The following FAM120A variants were observed in gnomAD, a reference collection of about 807,000 sequenced individuals.
The protein encoded by FAM120A is constitutive coactivator of PPAR-gamma-like protein 1.
A neutral mutation model predicts 109.7 loss-of-function variants in FAM120A; 15 were observed. The ratio of observed to expected loss-of-function variants is 0.14; its 90% CI spans 0.09 to 0.21. The LOEUF is 0.21. Among genes scored for constraint, FAM120A ranks in the 10% least tolerant of loss-of-function variants. FAM120A has a pLI of 1.00. For synonymous variants in FAM120A, 493 were observed against 572.8 expected, an observed-to-expected ratio of 0.86 and a Z score of 1.99; for missense variants, 899 against 1,439.3, an observed-to-expected ratio of 0.62 and a Z score of 6.07.
At chr9:93,475,232 AAAC>A (rs1858498053) in intron 2 of FAM120A, among the ~76,000 whole-genome samples, 1 of 152,220 alleles carries the variant, frequency 6.6e-6, no homozygotes, top group Non-Finnish European at 1.5e-5. Flanking sequence ...TTTGTGCAGG[AAAC>A]AACATTTTGA....
At chr9:93,463,930 T>C (rs1035420232) in intron 1 of FAM120A, among the ~76,000 whole-genome samples, 3 of 152,258 alleles carry the variant, frequency 2.0e-5, no homozygotes, top group African/African-American at 7.2e-5. Flanking sequence ...AAGCGCTTAT[T>C]ATTTGTGAAT....
chr9:93,495,462 C>T (rs756756040), intron 3 of FAM120A, among the ~76,000 whole-genome samples: 4 of 152,178 alleles, frequency 2.6e-5, no homozygotes, highest in Admixed American at 1.3e-4. Context: ...GTTCTGCAGC[C>T]ACCTTGTGAC....
rs1367822403 is a variant in FAM120A, at chr9:93,565,282, A to G, written c.*742A>G. 1.3e-5 allele frequency: 2 copies of G among 152,682 alleles called. No homozygotes were observed. The highest frequency in any genetic ancestry group is 4.8e-5 in the African/African-American group (2 of 41,464). 9.5% of individuals were successfully genotyped at this position (152,682 alleles called of 1,614,324 possible). A position where few individuals can be genotyped will look rare whatever the true frequency, so the allele number is the denominator to read the frequency against. ...GACTAATACCATGCATCTGTGATCA[A>G]TGAACTATGTGGTTTTGAATCGGAT... On this transcript the variant is annotated 3_prime_UTR_variant, in exon 18 of 18. Coordinates refer to ENST00000277165, the MANE Select transcript of FAM120A (RefSeq NM_014612.5).
chr9:93,459,911 A>G (rs1000701360), intron 1 of FAM120A, among the ~76,000 whole-genome samples: 4 of 152,244 alleles, frequency 2.6e-5, no homozygotes, highest in Non-Finnish European at 5.9e-5. Context: ...TCAAAGAATT[A>G]TAAGCTTTAT....
intron 5 of FAM120A, among the ~76,000 whole-genome samples, chr9:93,502,596 A>ACACACACACG (rs754287212): frequency 2.0e-5 from 3 of 150,812 alleles, no homozygotes; most frequent in East Asian, 1.9e-4. Flanking sequence ...ACACACACAC[A>ACACACACACG]CACGCACACT....
intron 11 of FAM120A, among the ~76,000 whole-genome samples, chr9:93,545,270 G>C (rs1861839931): frequency 6.6e-6 from 1 of 152,218 alleles, no homozygotes; most frequent in Non-Finnish European, 1.5e-5. Flanking sequence ...TCCCAGTGCA[G>C]CATGAGGGAT....
chr9:93,521,280 C>T (rs1387595960), intron 7 of FAM120A, among the ~76,000 whole-genome samples: 1 of 152,096 alleles, frequency 6.6e-6, no homozygotes, highest in East Asian at 1.9e-4. Flanking sequence ...GGGTGGTGAT[C>T]AGAACTGGCA....
intron 5 of FAM120A, among the ~76,000 whole-genome samples, chr9:93,508,304 C>T (rs1162769710): frequency 5.9e-5 from 9 of 152,206 alleles, no homozygotes; most frequent in Admixed American, 3.3e-4. Flanking sequence ...TGGTCCTGGT[C>T]ACAGCAACAC....
intron 16 of FAM120A, 39 bp downstream of exon 16, chr9:93,561,289 A>G (rs1862456636): frequency 1.9e-6 from 3 of 1,557,614 alleles, no homozygotes; most frequent in Non-Finnish European, 2.6e-6. Context: ...TGTATAAGTA[A>G]AGAAAACAGC....
rs1469095194 is a variant in FAM120A at position 93,557,891 on chromosome 9, G to A, written c.2549G>A (p.Arg850Lys). ...QSVLEGLSFS[R>K]QSHTLPFPPP... ...GTCCTCGAGGGGCTCAGCTTCTCCA[G>A]GCAGAGCCACACGCTCCCTTTCCCG... The change falls in exon 14 of 18, where the codon AGG (arginine) becomes AAG (lysine). Residue 850 changes from arginine (R) to lysine (K), a missense_variant. Arg to Lys is a conservative substitution (Grantham distance 26). This residue lies in a region of FAM120A where 129 missense variants were observed against 153.4 expected (regional missense o/e 0.84). Coordinates refer to ENST00000277165, the MANE Select transcript of FAM120A (RefSeq NM_014612.5). The A allele has an allele frequency of 6.2e-7, 1 of 1,613,232 alleles. No homozygotes were observed. Among genetic ancestry groups the A allele is most frequent in the Admixed American group, 1.7e-5 (1 of 60,024 alleles).
chr9:93,496,106 A>G (rs1859564590), intron 3 of FAM120A, among the ~76,000 whole-genome samples: 1 of 152,168 alleles, frequency 6.6e-6, no homozygotes, highest in African/African-American at 2.4e-5. Flanking sequence ...TTCAGGCTCC[A>G]CTTCTAATTC....
intron 10 of FAM120A, among the ~76,000 whole-genome samples, chr9:93,537,774 A>G (rs925806932): frequency 2.6e-5 from 4 of 152,242 alleles, no homozygotes; most frequent in Admixed American, 1.3e-4. Flanking sequence ...GGATTATACT[A>G]TGAAACAGAA....
chr9:93,553,953 A>T (rs545064943), intron 12 of FAM120A, among the ~76,000 whole-genome samples: 1 of 152,182 alleles, frequency 6.6e-6, no homozygotes, highest in Non-Finnish European at 1.5e-5. Context: ...AAAGGAAGCA[A>T]ATTTACACTG....
At chr9:93,514,877 C>T (rs1860499643) in intron 5 of FAM120A, among the ~76,000 whole-genome samples, 1 of 152,238 alleles carries the variant, frequency 6.6e-6, no homozygotes, top group Admixed American at 6.5e-5. Flanking sequence ...GGGGAGGCTT[C>T]CAGCCCCTGC....
intron 11 of FAM120A, among the ~76,000 whole-genome samples, chr9:93,544,230 G>A (rs1391721731): frequency 6.6e-6 from 1 of 152,190 alleles, no homozygotes; most frequent in Non-Finnish European, 1.5e-5. Context: ...CCATCCTCTT[G>A]TTTTAGGAGA....
intron 3 of FAM120A, among the ~76,000 whole-genome samples, chr9:93,485,529 C>T (rs1163352529): frequency 6.6e-6 from 1 of 152,116 alleles, no homozygotes; most frequent in Non-Finnish European, 1.5e-5. Context: ...CCTGGGATAT[C>T]AAGGCTGCAG....
rs753717211 is a variant in FAM120A at position 93,556,338 on chromosome 9, T to G, written c.2275-44T>G. ...CTAAGACTTTGAAAGAATTTAATAC[T>G]GTAGTACTCTTATTCCATAGAAATT... On this transcript the variant is annotated intron_variant, in intron 12 of 17. Coordinates refer to ENST00000277165, the MANE Select transcript of FAM120A (RefSeq NM_014612.5). The G allele has an allele frequency of 2.3e-5, 34 of 1,487,670 alleles. No homozygotes were observed. In the South Asian group the frequency reaches 3.7e-4, roughly 16 times the overall value. The allele number at this position is 1,487,670 out of a possible 1,614,324, so 92.2% of individuals were successfully genotyped here.
intron 7 of FAM120A, among the ~76,000 whole-genome samples, chr9:93,517,205 C>A (rs1311374583): frequency 6.6e-6 from 1 of 152,162 alleles, no homozygotes; most frequent in African/African-American, 2.4e-5. Flanking sequence ...GGGATGCATA[C>A]CCTGTTTATA....
At chr9:93,541,975 A>G (rs796775597) in intron 10 of FAM120A, among the ~76,000 whole-genome samples, 15 of 152,154 alleles carry the variant, frequency 9.9e-5, no homozygotes, top group African/African-American at 3.6e-4. Flanking sequence ...CTATATTTAG[A>G]CTCAGAGTGG....
Sources: allele counts gnomAD v4.1 joint callset (sites outside exome capture counted in the v4.1 genomes callset), GRCh38; gene constraint gnomAD v4.1.1; regional missense constraint gnomAD v4.1.1; transcripts MANE v1.5; gene names NCBI Gene and HGNC (gene_info 2026-07-23, HGNC 2026-07-21).